PLPP2: variants seen among roughly 807,000 people sequenced by gnomAD.
The protein encoded by PLPP2 is phospholipid phosphatase 2, also known as PAP2-gamma.
Under a neutral mutation model 35.2 loss-of-function variants are expected in PLPP2, and 29 were observed. That is an observed-to-expected ratio of 0.82 (90% CI 0.61 to 1.12). The LOEUF is 1.12. PLPP2 is among the 50% of genes most tolerant of loss of function. The pLI, the probability that PLPP2 is intolerant of heterozygous loss-of-function variation, is 0.00. For synonymous variants in PLPP2, 162 were observed against 167.0 expected (o/e 0.97, Z 0.23); for missense variants, 353 against 375.2 (o/e 0.94, Z 0.49).
In PLPP2 at chr19:282,286, A is replaced by C. The variant is rs750567430; in HGVS notation, c.565T>G (p.Trp189Gly). 1.4e-5 allele frequency: 23 copies of C among 1,613,676 alleles called. No individual in the cohort carries two copies. The Middle Eastern group carries it at 4.9e-4, about 35-fold the overall frequency. The change falls in exon 5 of 6, where the codon TGG (tryptophan) becomes GGG (glycine). Residue 189 changes from tryptophan to glycine, a missense_variant. Transcript: ENST00000434325. ...LALYVQARLC[W>G]KWARLLRPTV... ...GGTCGCAGCAGCCGTGCCCACTTCC[A>C]ACAGAGTCGTGCCTGCACATACAGC...
In PLPP2 at chr19:282,453, C is replaced by T; in HGVS notation, c.541-143G>A. On this transcript the variant is annotated intron_variant, in intron 4 of 5. Transcript: ENST00000434325. ...TTAGCCTGTGCACCTGCCAGGCGCT[C>T]CCCCTCCCCCTGCACAGACGTGTTA... is the stretch of plus-strand genomic sequence containing the variant. 1.5e-5 allele frequency: 9 copies of T among 594,466 alleles called. No homozygotes were observed. In the South Asian group the frequency reaches 1.8e-4, roughly 12 times the overall value. The allele number at this position is 594,466 out of a possible 1,614,324, so 36.8% of individuals were successfully genotyped here.
rs751665057 is a variant in PLPP2 at position 288,092 on chromosome 19, C to T, written c.132G>A (p.Arg44=). Residue 44 remains arginine (R), a synonymous_variant, in exon 2 of 6, where the codon CGG becomes CGA. Coordinates refer to ENST00000434325, the MANE Select transcript of PLPP2 (RefSeq NM_003712.4). ...TGATGGTATCTGGACGGTAGGGGTA[C>T]CGGATGGAGTCATCCCCGCAGTAAA... The part of the protein sequence containing the change: ...RGFYCGDDSI[R]YPYRPDTITH... The T allele has an allele frequency of 1.2e-5, 20 of 1,613,406 alleles. No individual in the cohort carries two copies. Among genetic ancestry groups the T allele is most frequent in the African/African-American group, 2.7e-5 (2 of 74,902 alleles).
At chr19:290,952 C>T (rs958428917) in intron 1 of PLPP2, 3 of 1,235,028 alleles carry the variant, frequency 2.4e-6, no homozygotes, top group African/African-American at 1.6e-5. Context: ...CGTGACTCAC[C>T]TCCCAGGCCA....
At chr19:289,706 A>AAG (rs1210934439) in intron 1 of PLPP2, among the ~76,000 whole-genome samples, 1 of 152,058 alleles carries the variant, frequency 6.6e-6, no homozygotes, top group Non-Finnish European at 1.5e-5. Context: ...TGTCTCAAGA[A>AAG]AGAAAAAAAA....
chr19:289,025 C>G (rs1378250850), intron 1 of PLPP2, among the ~76,000 whole-genome samples: 2 of 152,210 alleles, frequency 1.3e-5, no homozygotes, highest in African/African-American at 2.4e-5. Context: ...CAGGACAGAC[C>G]CAGCCCTGGC....
intron 4 of PLPP2, 33 bp from the exon 5 acceptor site, chr19:282,343 A>T (rs1235748090): frequency 1.2e-6 from 2 of 1,600,932 alleles, no homozygotes; most frequent in East Asian, 4.5e-5. Context: ...TAGCCTGTGC[A>T]CCTGCCAGGC....
Position 287,697 on chromosome 19 carries a change from C to A in PLPP2, c.259G>T (p.Asp87Tyr). The A allele has an allele frequency of 6.2e-7, 1 of 1,613,920 alleles. No individual in the cohort carries two copies. Among genetic ancestry groups the A allele is most frequent in the South Asian group, 1.1e-5 (1 of 91,086 alleles). The change falls in exon 3 of 6, where the codon GAC becomes TAC. Residue 87 changes from aspartate to tyrosine, a missense_variant. Asp to Tyr is a radical substitution (Grantham distance 160). Transcript: ENST00000434325. This position sits in a 1 kb window ranked among gnomAD's most constrained non-coding sequence, Gnocchi z 4.3. ...ACAGCAGCCACGTAGTTGTTGAAGTCCGAGCGAGAATAGAGCCGGTCTGTG... is the reference window on the plus strand; with the variant it reads ...ACAGCAGCCACGTAGTTGTTGAAGTACGAGCGAGAATAGAGCCGGTCTGTG... Reference protein sequence around the residue: ...VYTDRLYSRSDFNNYVAAVYK... With the variant: ...VYTDRLYSRSYFNNYVAAVYK...
rs1431674367 is a variant in PLPP2, at chr19:287,554, G to C, written c.402C>G (p.Asp134Glu). 1 of 1,613,772 alleles carries C rather than the reference G, an allele frequency of 6.2e-7. No individual in the cohort carries two copies. The highest frequency in any genetic ancestry group is 8.5e-7 in the Non-Finnish European group (1 of 1,180,034). The change falls in exon 3 of 6, where the codon GAC (aspartate) becomes GAG (glutamate). Residue 134 changes from aspartate (D) to glutamate (E), a missense_variant. Coordinates refer to ENST00000434325, the MANE Select transcript of PLPP2 (RefSeq NM_003712.4). The surrounding 1 kb of genome is among the most constrained non-coding windows in gnomAD (Gnocchi z 4.3). ...AGACCGAGCAGTTGACCCGGCTCCA[G>C]TCGGGGTCGCAGACGGCTAGGAAGT... ...RPNFLAVCDP[D>E]WSRVNCSVYV...
chr19:287,430 G>C lies in PLPP2; in HGVS notation c.482+44C>G, dbSNP rs1455793604. 14 of 1,573,452 alleles carry C rather than the reference G, an allele frequency of 8.9e-6. No homozygotes were observed. Among genetic ancestry groups the C allele is most frequent in the Non-Finnish European group, 1.2e-5 (14 of 1,155,774 alleles). ...TGATTTGGCTCCAGGGCCTTCTTCA[G>C]CTCCCATTCCCCACAAGAGTGAAGG... On this transcript the variant is annotated intron_variant, in intron 3 of 5. Transcript: ENST00000434325. The surrounding 1 kb of genome is among the most constrained non-coding windows in gnomAD (Gnocchi z 4.3).
rs142253665 is a variant in PLPP2 at position 281,248 on chromosome 19, G to A, written c.*140C>T. 735 of 828,354 alleles carry A rather than the reference G, an allele frequency of 8.9e-4. 2 individuals carry two copies. Among genetic ancestry groups the A allele is most frequent in the South Asian group, 1.7e-3 (28 of 16,840 alleles). The allele number at this position is 828,354 out of a possible 1,614,324, so 51.3% of individuals were successfully genotyped here. A position where few individuals can be genotyped will look rare whatever the true frequency, so the allele number is the denominator to read the frequency against. ...GGTCCAGTGCAGGGCAGGGGGCAGC[G>A]GAGCCCGCTCACTGCTCCCATCAGC... On this transcript the variant is annotated 3_prime_UTR_variant, in exon 6 of 6. Coordinates refer to ENST00000434325, the MANE Select transcript of PLPP2 (RefSeq NM_003712.4).
At chr19:291,009 C>A (rs1001957805) in intron 1 of PLPP2, 3 of 1,279,206 alleles carry the variant, frequency 2.3e-6, no homozygotes, top group Non-Finnish European at 3.0e-6. Context: ...GCACAGACTT[C>A]CTGCTGCCGG....
intron 3 of PLPP2, 114 bp from the exon 4 acceptor site, chr19:282,923 C>T (rs938197906): frequency 1.1e-6 from 1 of 878,826 alleles, no homozygotes; most frequent in Non-Finnish European, 1.8e-6. Context: ...GTTAGATGCA[C>T]TCAAATCCCA....
At chr19:289,191 G>A (rs1970332788) in intron 1 of PLPP2, among the ~76,000 whole-genome samples, 1 of 152,288 alleles carries the variant, frequency 6.6e-6, no homozygotes, top group African/African-American at 2.4e-5. Flanking sequence ...AGCCCGGGTC[G>A]GCTAGCCCAG....
At chr19:283,619 C>G (rs1020144601) in intron 3 of PLPP2, 2 of 152,266 alleles carry the variant, frequency 1.3e-5, no homozygotes, top group African/African-American at 4.8e-5. Context: ...ATAAAATGCT[C>G]TGGGCGATGG....
chr19:290,539 AC>A (rs67204914), intron 1 of PLPP2, among the ~76,000 whole-genome samples: 5,061 of 151,836 alleles, frequency 0.033, 281 homozygotes, highest in African/African-American at 0.11. Flanking sequence ...GGAGGAGGGC[AC>A]CCCCCAGAGA....
chr19:287,842 G>T lies in PLPP2; in HGVS notation c.205-91C>A. The T allele has an allele frequency of 6.5e-7, 1 of 1,541,702 alleles. No homozygotes were observed. The highest frequency in any genetic ancestry group is 8.8e-7 in the Non-Finnish European group (1 of 1,140,874). ...CGGGCCTCCCCAAGGCTGCTGGAGA[G>T]CTGGGGACTCTGAAGGGGGCCCTAT... is the stretch of plus-strand genomic sequence containing the variant. On this transcript the variant is annotated intron_variant, in intron 2 of 5. Transcript: ENST00000434325. The surrounding 1 kb of genome is among the most constrained non-coding windows in gnomAD (Gnocchi z 4.3).
At chr19:288,298 T>C (rs1185562130) in intron 1 of PLPP2, 127 bp from the exon 2 acceptor site, 2 of 946,580 alleles carry the variant, frequency 2.1e-6, no homozygotes, top group Non-Finnish European at 3.1e-6. Context: ...GAAGAGCTTT[T>C]TTCACAGCCC....
rs1218261734 is a variant in PLPP2 at position 281,501 on chromosome 19, G to A, written c.754C>T (p.Pro252Ser). 1 of 1,538,282 alleles carries A rather than the reference G, an allele frequency of 6.5e-7. No homozygotes were observed. Residue 252 changes from proline to serine, a missense_variant, in exon 6 of 6, where the codon CCA (proline) becomes TCA (serine). Transcript: ENST00000434325. ...TCCTCCTCCTTCAGACAGTGCTGTGGGGGTCGGGCTTTGAAGAAGTCTGAG... is the reference window on the plus strand; with the variant it reads ...TCCTCCTCCTTCAGACAGTGCTGTGAGGGTCGGGCTTTGAAGAAGTCTGAG... ...YISDFFKARP[P>S]QHCLKEEELE...
rs1970185523 is a variant in PLPP2 at position 282,138 on chromosome 19, A to T, written c.713T>A (p.Leu238His). The T allele has an allele frequency of 1.2e-6, 2 of 1,613,400 alleles. No homozygotes were observed. Among genetic ancestry groups the T allele is most frequent in the Non-Finnish European group, 1.7e-6 (2 of 1,179,748 alleles). Reference protein sequence around the residue: ...GLLQGALVAALTVCYISDFFK... With the variant: ...GLLQGALVAAHTVCYISDFFK... ...GAGTTAGGGTTAGAAGCTCACAGTG[A>T]GGGCAGCCACCAGTGCCCCCTGCAG... is the stretch of plus-strand genomic sequence containing the variant. Residue 238 changes from leucine (L) to histidine (H), a missense_variant, in exon 5 of 6, where the codon CTC becomes CAC. Physicochemically the swap from Leu to His is moderately conservative, Grantham distance 99. Transcript: ENST00000434325.
Sources: gnomAD v4.1 joint callset for allele counts (sites outside exome capture counted in the v4.1 genomes callset) on GRCh38, gnomAD v4.1.1 for gene constraint, Gnocchi (gnomAD v3.1) non-coding constraint, MANE v1.5 for transcripts, NCBI Gene and HGNC (gene_info 2026-07-23, HGNC 2026-07-21) for gene names.